Variants in NT5DC3 observed in about 807,000 individuals in gnomAD.
NT5DC3 encodes 5'-nucleotidase domain containing 3.
Under a neutral mutation model 67.8 loss-of-function variants are expected in NT5DC3, and 42 were observed. That is an observed-to-expected ratio of 0.62 (90% CI 0.48 to 0.80). NT5DC3 has a LOEUF of 0.80. Among genes scored for constraint, NT5DC3 ranks in the 30% least tolerant of loss-of-function variants. The probability of loss-of-function intolerance (pLI) is 0.00; values close to 1 mark genes in which losing one functional copy is unlikely to be tolerated. For synonymous variants in NT5DC3, 237 were observed against 255.6 expected (o/e 0.93, Z 0.69); for missense variants, 570 against 696.4 (o/e 0.82, Z 2.04).
chr12:103,816,556 G>C (rs953921891), intron 1 of NT5DC3, among the ~76,000 whole-genome samples: 1 of 152,056 alleles, frequency 6.6e-6, no homozygotes, highest in African/African-American at 2.4e-5. Context: ...TTTCTTTTTT[G>C]AGCAGTTCTA....
intron 1 of NT5DC3, among the ~76,000 whole-genome samples, chr12:103,838,995 G>A (rs772908014): frequency 2.0e-5 from 3 of 152,192 alleles, no homozygotes; most frequent in South Asian, 2.1e-4. Flanking sequence ...TATAAAGACC[G>A]AATGAGGGAT....
At chr12:103,827,920 G>T (rs778215072) in intron 1 of NT5DC3, among the ~76,000 whole-genome samples, 20 of 152,178 alleles carry the variant, frequency 1.3e-4, no homozygotes, top group Non-Finnish European at 2.6e-4. Flanking sequence ...ACAAAGTCAG[G>T]ATTTGGCTGA....
At chr12:103,793,635 A>G in intron 7 of NT5DC3, 123 bp from the exon 8 acceptor site, 2 of 694,778 alleles carry the variant, frequency 2.9e-6, no homozygotes, top group Non-Finnish European at 4.9e-6. Context: ...TAAAGGCCCT[A>G]AGGAAGAAGC....
chr12:103,791,351 A>C (rs930620651), intron 9 of NT5DC3, among the ~76,000 whole-genome samples: 2 of 152,056 alleles, frequency 1.3e-5, no homozygotes, highest in Admixed American at 1.3e-4. Context: ...TGGTGAGGGC[A>C]TCATATCAGC....
At chr12:103,763,212 G>T in the NT5DC3 span, 1 of 340,826 alleles carries the variant, frequency 2.9e-6, no homozygotes. Flanking sequence ...TGGGTGGCAG[G>T]CACCAGCAGG....
chr12:103,828,169 C>A (rs114151658), intron 1 of NT5DC3, among the ~76,000 whole-genome samples: 1 of 152,140 alleles, frequency 6.6e-6, no homozygotes, highest in Non-Finnish European at 1.5e-5. Context: ...CATATTTAAG[C>A]GACTATCATA....
chr12:103,767,936 AT>A (rs1885055321), downstream of NT5DC3, among the ~76,000 whole-genome samples: 3 of 151,582 alleles, frequency 2.0e-5, no homozygotes, highest in African/African-American at 7.3e-5. Context: ...CAAAAAAAAA[AT>A]AATAGCTGGG....
chr12:103,746,959 T>C, the NT5DC3 span, among the ~76,000 whole-genome samples: 1 of 149,394 alleles, frequency 6.7e-6, no homozygotes, highest in African/African-American at 2.5e-5. Flanking sequence ...CTTTTTTTTT[T>C]TTTTTTTTTT....
At chr12:103,755,174 C>T in the NT5DC3 span, 2 of 1,308,088 alleles carry the variant, frequency 1.5e-6, no homozygotes, top group Non-Finnish European at 2.1e-6. Context: ...GTGCCAGGCA[C>T]AGAGGTGCAA....
chr12:103,831,245 G>A (rs1007560462), intron 1 of NT5DC3, among the ~76,000 whole-genome samples: 5 of 152,110 alleles, frequency 3.3e-5, no homozygotes, highest in Non-Finnish European at 7.4e-5. Flanking sequence ...ATAGGCATCT[G>A]GCATTTCCCC....
At chr12:103,761,350 T>G in the NT5DC3 span, 1 of 1,614,106 alleles carries the variant, frequency 6.2e-7, no homozygotes, top group Non-Finnish European at 8.5e-7. Context: ...GGGACATCTT[T>G]GCCTCCAATG....
At chr12:103,799,377 TC>T (rs1566110782) in intron 4 of NT5DC3, among the ~76,000 whole-genome samples, 1 of 152,108 alleles carries the variant, frequency 6.6e-6, no homozygotes, top group Admixed American at 6.5e-5. Context: ...CGGAGCTGTT[TC>T]CCCCATGCTA....
At chr12:103,752,283 G>A in the NT5DC3 span, among the ~76,000 whole-genome samples, 1 of 152,110 alleles carries the variant, frequency 6.6e-6, no homozygotes, top group East Asian at 1.9e-4. Context: ...AAGAGACAAG[G>A]AACACTTTTC....
intron 2 of NT5DC3, among the ~76,000 whole-genome samples, chr12:103,808,326 A>G (rs1039813034): frequency 3.3e-5 from 5 of 152,220 alleles, no homozygotes; most frequent in African/African-American, 9.6e-5. Flanking sequence ...CTCGGAGCAT[A>G]GACCTGCAGG....
rs1323086723 is a variant in NT5DC3 at position 103,776,138 on chromosome 12, T to C, written c.*1691A>G. Reference sequence around the variant, plus strand: ...TAACTAATAACAGCAGACATTCCCATAGCACTCAGAGAGTGCAGTAAATAT... The same window carrying C: ...TAACTAATAACAGCAGACATTCCCACAGCACTCAGAGAGTGCAGTAAATAT... On this transcript the variant is annotated 3_prime_UTR_variant, in exon 14 of 14. Coordinates refer to ENST00000392876, the MANE Select transcript of NT5DC3 (RefSeq NM_001031701.3). 2 of 152,150 alleles carry C rather than the reference T, an allele frequency of 1.3e-5. No homozygotes were observed. Among genetic ancestry groups the C allele is most frequent in the Non-Finnish European group, 2.9e-5 (2 of 68,034 alleles). 9.4% of individuals were successfully genotyped at this position (152,150 alleles called of 1,614,324 possible).
chr12:103,772,262 T>C (rs1885202897), downstream of NT5DC3: 2 of 152,282 alleles, frequency 1.3e-5, no homozygotes, highest in Admixed American at 1.3e-4. Flanking sequence ...GAATTTAACG[T>C]GGCAGACTTA....
chr12:103,750,594 G>A, the NT5DC3 span: 88 of 1,614,074 alleles, frequency 5.5e-5, no homozygotes, highest in Non-Finnish European at 7.3e-5. Context: ...GCACAAGTGT[G>A]AGTGTAAAAG....
chr12:103,790,023 G>A (rs746213315), intron 9 of NT5DC3, among the ~76,000 whole-genome samples: 1 of 151,810 alleles, frequency 6.6e-6, no homozygotes, highest in Non-Finnish European at 1.5e-5. Flanking sequence ...CTAATATTGC[G>A]AGCAATTTCC....
chr12:103,806,703 T>C (rs1208396454), intron 3 of NT5DC3, 152 bp downstream of exon 3: 4 of 603,036 alleles, frequency 6.6e-6, no homozygotes, highest in South Asian at 2.1e-5. Flanking sequence ...TTCCAGAAGA[T>C]TCTATCCAAA....
Sources: allele counts gnomAD v4.1 joint callset (sites outside exome capture counted in the v4.1 genomes callset), GRCh38; gene constraint gnomAD v4.1.1; transcripts MANE v1.5; gene names NCBI Gene and HGNC (gene_info 2026-07-23, HGNC 2026-07-21).